FHL3: variants seen among roughly 807,000 people sequenced by gnomAD.
The protein encoded by FHL3 is four and a half LIM domains 3, also known as four and a half LIM domains protein 3.
In FHL3, 21 loss-of-function variants were observed where a neutral mutation model predicts 34.3. The observed-to-expected ratio is 0.61, with a 90% CI of 0.43 to 0.88. The LOEUF is 0.88. Among genes scored for constraint, FHL3 ranks in the 40% least tolerant of loss-of-function variants. The pLI, the probability that FHL3 is intolerant of heterozygous loss-of-function variation, is 0.00. For missense variants in FHL3, 333 were observed against 373.7 expected (o/e 0.89, Z 0.90); for synonymous variants, 137 against 144.6 (o/e 0.95, Z 0.38).
At chr1:37,998,796 G>T in intron 3 of FHL3, 178 bp downstream of exon 3, 1 of 633,062 alleles carries the variant, frequency 1.6e-6, no homozygotes, top group Non-Finnish European at 2.7e-6. Flanking sequence ...CAATCTGCCT[G>T]TACATAGTAG....
chr1:38,003,608 G>A (rs752624525), intron 1 of FHL3, among the ~76,000 whole-genome samples: 5 of 152,294 alleles, frequency 3.3e-5, no homozygotes, highest in Non-Finnish European at 5.9e-5. Context: ...CACTCACAAA[G>A]TCCATGCCCA....
At position 37,997,936 on chromosome 1, in the gene FHL3, C is replaced by T; in HGVS notation, c.501+27G>A. 6.2e-7 allele frequency: 1 copy of T among 1,614,020 alleles called. No individual in the cohort carries two copies. The highest frequency in any genetic ancestry group is 8.5e-7 in the Non-Finnish European group (1 of 1,179,946). The stretch of plus-strand genomic sequence containing the variant: ...CCCACCCCACAACAGGCCTCACTCA[C>T]CCCCACCTGGCTGGCCCAGCCCCCA... On this transcript the variant is annotated intron_variant, in intron 4 of 5. Transcript: ENST00000373016. The surrounding 1 kb of genome is among the most constrained non-coding windows in gnomAD (Gnocchi z 4.3).
intron 1 of FHL3, among the ~76,000 whole-genome samples, chr1:38,002,291 G>T (rs1249589020): frequency 1.3e-5 from 2 of 151,940 alleles, no homozygotes; most frequent in African/African-American, 2.4e-5. Context: ...GTAGAGACGG[G>T]GTTTCACTGT....
intron 1 of FHL3, among the ~76,000 whole-genome samples, chr1:38,001,515 T>C (rs540894937): frequency 5.7e-4 from 87 of 152,316 alleles, no homozygotes; most frequent in African/African-American, 2.0e-3. Context: ...AATCCCCCAA[T>C]GCCCTAGTCT....
At chr1:38,005,512 AGTGGGAGC>A (rs1324680904) in exon 1 of FHL3, 4 of 149,754 alleles carry the variant, frequency 2.7e-5, no homozygotes, top group African/African-American at 9.8e-5. Context: ...CGTGTGGGCG[AGTGGGAGC>A]GCGGCCCCAA....
At chr1:37,998,213 C>T in intron 3 of FHL3, 81 bp from the exon 4 acceptor site, 1 of 1,276,924 alleles carries the variant, frequency 7.8e-7, no homozygotes, top group Non-Finnish European at 1.1e-6. Context: ...CAGGAGTCTC[C>T]ACTCCTCTCT....
At position 37,997,824 on chromosome 1, in the gene FHL3, C is replaced by T. The variant is rs756216175; in HGVS notation, c.548G>A (p.Arg183Gln). The stretch of plus-strand genomic sequence containing the variant: ...GCATCCGGTACAGACCAGACATTCT[C>T]GATGCCACGGCTGATCACGGTATGT... ...GVTYRDQPWH[R>Q]ECLVCTGCQT... is the part of the protein sequence containing the mutation. The change falls in exon 5 of 6, where the codon CGA becomes CAA. Residue 183 changes from arginine to glutamine, a missense_variant. Physicochemically the swap from Arg to Gln is conservative, Grantham distance 43. Coordinates refer to ENST00000373016, the MANE Select transcript of FHL3 (RefSeq NM_004468.5). This position sits in a 1 kb window ranked among gnomAD's most constrained non-coding sequence, Gnocchi z 4.3. 4.3e-6 allele frequency: 7 copies of T among 1,613,978 alleles called. No individual in the cohort carries two copies. Among genetic ancestry groups the T allele is most frequent in the East Asian group, 2.2e-5 (1 of 44,882 alleles).
chr1:37,999,469 A>C, intron 1 of FHL3, 37 bp from the exon 2 acceptor site: 1 of 1,598,184 alleles, frequency 6.3e-7, no homozygotes, highest in Non-Finnish European at 8.5e-7. Flanking sequence ...GGTCACACAG[A>C]GAGGCTGTGG....
chr1:38,001,305 G>A (rs1293446428), intron 1 of FHL3, among the ~76,000 whole-genome samples: 1 of 152,240 alleles, frequency 6.6e-6, no homozygotes, highest in Non-Finnish European at 1.5e-5. Context: ...TGTCAGCCAC[G>A]GGGCAGCAGG....
chr1:38,004,205 G>C (rs374098312), intron 1 of FHL3, among the ~76,000 whole-genome samples: 5 of 152,172 alleles, frequency 3.3e-5, no homozygotes, highest in East Asian at 3.9e-4. Flanking sequence ...CTGCTCTGGG[G>C]ACATGAGAGG....
At chr1:38,000,444 G>C (rs1198031676) in intron 1 of FHL3, among the ~76,000 whole-genome samples, 1 of 152,062 alleles carries the variant, frequency 6.6e-6, no homozygotes, top group Non-Finnish European at 1.5e-5. Flanking sequence ...CGATTTCTCA[G>C]GGTTTGGGAC....
At chr1:38,001,690 G>A (rs1208006487) in intron 1 of FHL3, among the ~76,000 whole-genome samples, 2 of 152,156 alleles carry the variant, frequency 1.3e-5, no homozygotes, top group Non-Finnish European at 2.9e-5. Flanking sequence ...GGCGGGGTTT[G>A]GGGGAGACTG....
At chr1:38,001,358 TCTTC>T (rs1646592522) in intron 1 of FHL3, among the ~76,000 whole-genome samples, 1 of 152,206 alleles carries the variant, frequency 6.6e-6, no homozygotes, top group Non-Finnish European at 1.5e-5. Context: ...TGCCTGGGCC[TCTTC>T]CTTCCTTCTT....
intron 1 of FHL3, among the ~76,000 whole-genome samples, chr1:38,001,867 G>C (rs888607023): frequency 6.6e-6 from 1 of 152,204 alleles, no homozygotes; most frequent in African/African-American, 2.4e-5. Context: ...CTGGCTGAGT[G>C]ATCTTGGGCA....
At chr1:37,998,182 G>A (rs763635111) in intron 3 of FHL3, 50 bp from the exon 4 acceptor site, 18 of 1,568,118 alleles carry the variant, frequency 1.1e-5, no homozygotes, top group Middle Eastern at 1.7e-4. Context: ...TGCTCCTGAG[G>A]GCCACCCTCT....
At chr1:37,999,716 G>A (rs1003691589) in intron 1 of FHL3, among the ~76,000 whole-genome samples, 4 of 152,118 alleles carry the variant, frequency 2.6e-5, no homozygotes, top group African/African-American at 9.7e-5. Context: ...GCTTTTCCTG[G>A]GTCAGTGACT....
At chr1:38,002,233 G>A (rs1646603089) in intron 1 of FHL3, among the ~76,000 whole-genome samples, 1 of 151,834 alleles carries the variant, frequency 6.6e-6, no homozygotes, top group Admixed American at 6.6e-5. Context: ...CGAGTAGCTG[G>A]GACTACAGGC....
rs1402410876 is a variant in FHL3 at position 37,997,359 on chromosome 1, G to A, written c.*46C>T. On this transcript the variant is annotated 3_prime_UTR_variant, in exon 6 of 6. Transcript: ENST00000373016. The surrounding 1 kb of genome is among the most constrained non-coding windows in gnomAD (Gnocchi z 4.3). The stretch of plus-strand genomic sequence containing the variant: ...GAGGTGGTTTAGAAAAGGAGCCACA[G>A]TCCTGGGCCCGTGGTATGGGAAAGC... 2 of 1,593,054 alleles carry A rather than the reference G, an allele frequency of 1.3e-6. No individual in the cohort carries two copies. The highest frequency in any genetic ancestry group is 2.2e-5 in the East Asian group (1 of 44,748).
At chr1:37,998,548 C>T (rs1302551220) in intron 3 of FHL3, among the ~76,000 whole-genome samples, 3 of 152,136 alleles carry the variant, frequency 2.0e-5, no homozygotes, top group Non-Finnish European at 2.9e-5. Context: ...ATGACAGGTT[C>T]GGTACATGCT....
Sources: gnomAD v4.1 joint callset for allele counts (sites outside exome capture counted in the v4.1 genomes callset) on GRCh38, gnomAD v4.1.1 for gene constraint, Gnocchi (gnomAD v3.1) non-coding constraint, MANE v1.5 for transcripts, NCBI Gene and HGNC (gene_info 2026-07-23, HGNC 2026-07-21) for gene names.